ATAD2: variants seen among roughly 807,000 people sequenced by gnomAD.
ATAD2 encodes ATPase family AAA domain containing 2.
Under a neutral mutation model 168.9 loss-of-function variants are expected in ATAD2, and 62 were observed. The observed-to-expected ratio is 0.37, with a 90% CI of 0.30 to 0.45. The LOEUF (loss-of-function observed/expected upper bound fraction) is 0.45, where lower values mean the gene tolerates loss of function less well. Among genes scored for constraint, ATAD2 ranks in the 20% least tolerant of loss-of-function variants. The pLI is 1.00. For synonymous variants in ATAD2, 613 were observed against 571.6 expected, an observed-to-expected ratio of 1.07 and a Z score of -1.03; for missense variants, 1,419 against 1,667.8, an observed-to-expected ratio of 0.85 and a Z score of 2.60.
chr8:123,372,439 G>A (rs940560345), intron 3 of ATAD2, among the ~76,000 whole-genome samples, 198 bp downstream of exon 3: 4 of 152,188 alleles, frequency 2.6e-5, no homozygotes, highest in South Asian at 2.1e-4. Flanking sequence ...ATTATAAAAC[G>A]GCCCGGGGAA....
chr8:123,338,637 A>G (rs534777044), intron 20 of ATAD2, among the ~76,000 whole-genome samples: 22 of 152,338 alleles, frequency 1.4e-4, no homozygotes, highest in African/African-American at 5.3e-4. Flanking sequence ...CCATATTAGT[A>G]GTATTTTAAA....
At chr8:123,364,284 C>G (rs560220492) in intron 8 of ATAD2, among the ~76,000 whole-genome samples, 1 of 152,056 alleles carries the variant, frequency 6.6e-6, no homozygotes, top group Non-Finnish European at 1.5e-5. Flanking sequence ...AGCTGAGCTC[C>G]AAGCCTAGAC....
At position 123,391,025 on chromosome 8, in the gene ATAD2, G is replaced by GA. The variant is rs796576294; in HGVS notation, c.171+5161dup. 1.8e-3 allele frequency among the ~76,000 whole-genome samples: 257 copies of GA among 142,048 alleles called. 2 individuals carry two copies. The highest frequency in any genetic ancestry group is 5.7e-3 in the African/African-American group (219 of 38,648). The allele number at this position is 142,048 out of a possible 152,430, so 93.2% of individuals were successfully genotyped here. ...ACAAAAGCAAAACACAGTCTCAAAA[G>GA]AAAAAAAAAACCCAAAAGTAATGTA... is the stretch of plus-strand genomic sequence containing the variant. On this transcript the variant is annotated intron_variant, in intron 1 of 27. Coordinates refer to ENST00000287394, the MANE Select transcript of ATAD2 (RefSeq NM_014109.4).
chr8:123,405,313 A>G (rs542759548), intron 1 of ATAD2, among the ~76,000 whole-genome samples: 11 of 149,770 alleles, frequency 7.3e-5, no homozygotes, highest in African/African-American at 2.7e-4. Context: ...CTGGAGTGCA[A>G]TGGTGCGACC....
chr8:123,339,246 C>T, intron 20 of ATAD2, 65 bp downstream of exon 20: 3 of 1,324,606 alleles, frequency 2.3e-6, no homozygotes, highest in South Asian at 1.5e-5. Context: ...CATGTCAATG[C>T]CATTAACTAT....
chr8:123,365,570 T>C (rs1185088361), intron 8 of ATAD2, among the ~76,000 whole-genome samples: 1 of 152,056 alleles, frequency 6.6e-6, no homozygotes, highest in Non-Finnish European at 1.5e-5. Context: ...AGTACTAGTA[T>C]AAAAACAGGC....
chr8:123,401,304 G>T (rs540746220), upstream of ATAD2: 8 of 1,277,202 alleles, frequency 6.3e-6, no homozygotes, highest in Non-Finnish European at 9.1e-6. Context: ...ATGAGCAGCT[G>T]CTGTGTGGGG....
At chr8:123,401,630 G>A in intron 1 of ATAD2, 2 of 951,442 alleles carry the variant, frequency 2.1e-6, no homozygotes, top group Non-Finnish European at 3.4e-6. Context: ...GGCTGAGTAT[G>A]CCCGGCACTT....
upstream of ATAD2, chr8:123,396,467 C>A: frequency 8.4e-7 from 1 of 1,196,918 alleles, no homozygotes; most frequent in Non-Finnish European, 1.1e-6. Flanking sequence ...AGCTCCGCGC[C>A]AGCGGCCGCA....
chr8:123,345,273 C>A (rs530766302), intron 18 of ATAD2, among the ~76,000 whole-genome samples: 22 of 152,188 alleles, frequency 1.4e-4, no homozygotes, highest in African/African-American at 5.3e-4. Flanking sequence ...TTTCTTCAAG[C>A]AACTAGAAAA....
intron 20 of ATAD2, among the ~76,000 whole-genome samples, chr8:123,338,141 G>A (rs1827969124): frequency 6.6e-6 from 1 of 152,150 alleles, no homozygotes; most frequent in Admixed American, 6.5e-5. Flanking sequence ...TGGATCACCA[G>A]GTCAGGAGAT....
chr8:123,392,755 T>C (rs907570273), intron 1 of ATAD2, among the ~76,000 whole-genome samples: 1 of 152,116 alleles, frequency 6.6e-6, no homozygotes, highest in African/African-American at 2.4e-5. Context: ...AGAGTGCGTT[T>C]TGTAAAGGGG....
intron 9 of ATAD2, 73 bp downstream of exon 9, chr8:123,361,466 A>T: frequency 2.3e-6 from 3 of 1,287,740 alleles, no homozygotes. Context: ...CTTATACCCA[A>T]ATTATTCTGT....
intron 8 of ATAD2, among the ~76,000 whole-genome samples, chr8:123,362,626 C>T (rs891028964): frequency 6.6e-6 from 1 of 151,694 alleles, no homozygotes; most frequent in Non-Finnish European, 1.5e-5. Context: ...CCATGTTGGC[C>T]AGGCTGGTCT....
chr8:123,414,485 A>C (rs1813210288), intron 1 of ATAD2, among the ~76,000 whole-genome samples: 1 of 152,192 alleles, frequency 6.6e-6, no homozygotes, highest in African/African-American at 2.4e-5. Context: ...TTAGCTGCGC[A>C]CGGTGGTGCG....
chr8:123,366,635 A>G (rs1828988481), intron 8 of ATAD2, among the ~76,000 whole-genome samples: 1 of 152,228 alleles, frequency 6.6e-6, no homozygotes, highest in Non-Finnish European at 1.5e-5. Context: ...ATGAAAAACC[A>G]AACATCGTAT....
intron 19 of ATAD2, among the ~76,000 whole-genome samples, chr8:123,340,159 C>A (rs1828024774): frequency 1.3e-5 from 2 of 152,054 alleles, no homozygotes; most frequent in South Asian, 4.1e-4. Context: ...CAAAGTGCTA[C>A]AATTACACGC....
At chr8:123,364,034 T>C (rs1313495048) in intron 8 of ATAD2, among the ~76,000 whole-genome samples, 1 of 152,138 alleles carries the variant, frequency 6.6e-6, no homozygotes, top group Non-Finnish European at 1.5e-5. Context: ...TGGACCAACA[T>C]GAAATTTCTG....
chr8:123,347,388 A>G lies in ATAD2; in HGVS notation c.1916T>C (p.Ile639Thr). 1.2e-6 allele frequency: 2 copies of G among 1,612,228 alleles called. No homozygotes were observed. Among genetic ancestry groups the G allele is most frequent in the East Asian group, 2.2e-5 (1 of 44,882 alleles). Residue 639 changes from isoleucine to threonine, a missense_variant, in exon 16 of 28, where the codon ATT becomes ACT. Coordinates refer to ENST00000287394, the MANE Select transcript of ATAD2 (RefSeq NM_014109.4). ...ENCVGYCGAD[I>T]KSICAEAALC... The stretch of plus-strand genomic sequence containing the variant: ...AGCAGCTTCAGCACATATTGATTTA[A>G]TATCTGCTCCACAGTATCCTATCCA...
Sources: gnomAD v4.1 joint callset for allele counts (sites outside exome capture counted in the v4.1 genomes callset) on GRCh38, gnomAD v4.1.1 for gene constraint, MANE v1.5 for transcripts, NCBI Gene and HGNC (gene_info 2026-07-23, HGNC 2026-07-21) for gene names.